Variants in ZHX2 observed in about 807,000 individuals in gnomAD.
ZHX2 encodes the protein zinc fingers and homeoboxes 2.
In ZHX2, 6 loss-of-function variants were observed where a neutral mutation model predicts 21.9. The observed-to-expected ratio is 0.27, with a 90% confidence interval of 0.15 to 0.54. The LOEUF is 0.54. ZHX2 is among the 20% of genes least tolerant of loss of function. ZHX2 has a pLI of 0.95. For missense variants in ZHX2, 908 were observed against 1,090.7 expected, an observed-to-expected ratio of 0.83 and a Z score of 2.36; for synonymous variants, 434 against 437.1, an observed-to-expected ratio of 0.99 and a Z score of 0.09.
chr8:122,848,209 C>T (rs1222886432), intron 1 of ZHX2, among the ~76,000 whole-genome samples: 1 of 152,068 alleles, frequency 6.6e-6, no homozygotes, highest in Admixed American at 6.5e-5. Flanking sequence ...TGTGTTGTTG[C>T]GTCTCTGTGT....
At position 122,828,342 on chromosome 8, in the gene ZHX2, G is replaced by A. The variant is rs553017628; in HGVS notation, c.-282-35135G>A. Reference sequence around the variant, plus strand: ...CTGTACAGTGCATGTGCGTGTGTGTGTTAGTGATATGGAGGAAGAGGATCT... The same window carrying A: ...CTGTACAGTGCATGTGCGTGTGTGTATTAGTGATATGGAGGAAGAGGATCT... On this transcript the variant is annotated intron_variant, in intron 1 of 3. Transcript: ENST00000314393. The surrounding 1 kb of genome is among the most constrained non-coding windows in gnomAD (Gnocchi z 5.2). Among the ~76,000 whole-genome samples, 1 of 152,332 alleles carries A rather than the reference G, an allele frequency of 6.6e-6. No individual in the cohort carries two copies. The highest frequency in any genetic ancestry group is 2.4e-5 in the African/African-American group (1 of 41,572).
intron 1 of ZHX2, among the ~76,000 whole-genome samples, chr8:122,798,785 G>A (rs1189164161): frequency 2.7e-5 from 4 of 150,644 alleles, no homozygotes; most frequent in East Asian, 1.9e-4. Context: ...GGGACAGAGC[G>A]AGAGCGAGAC....
At chr8:122,941,697 C>G (rs1256614426) in intron 2 of ZHX2, among the ~76,000 whole-genome samples, 2 of 151,788 alleles carry the variant, frequency 1.3e-5, no homozygotes, top group Non-Finnish European at 2.9e-5. Flanking sequence ...GTGAACATCT[C>G]TGTGTCTTCA....
chr8:122,788,006 C>A (rs988103113), intron 1 of ZHX2, among the ~76,000 whole-genome samples: 1 of 152,132 alleles, frequency 6.6e-6, no homozygotes, highest in Non-Finnish European at 1.5e-5. Flanking sequence ...GCCATCTCAT[C>A]CCCCACAGCC....
At chr8:122,966,295 G>A (rs764742766) in intron 3 of ZHX2, among the ~76,000 whole-genome samples, 2 of 152,064 alleles carry the variant, frequency 1.3e-5, no homozygotes, top group Non-Finnish European at 2.9e-5. Context: ...GTATTTTGGG[G>A]TTTTGTTTTA....
chr8:122,790,907 C>T (rs1817505450), intron 1 of ZHX2, among the ~76,000 whole-genome samples: 1 of 152,202 alleles, frequency 6.6e-6, no homozygotes, highest in African/African-American at 2.4e-5. Context: ...CATGCCTATC[C>T]CGATGTTGTG....
chr8:122,799,746 C>T (rs1321566735), intron 1 of ZHX2, among the ~76,000 whole-genome samples: 1 of 152,230 alleles, frequency 6.6e-6, no homozygotes, highest in Admixed American at 6.5e-5. Flanking sequence ...CAGGAAGCAT[C>T]CTTTTTCCCC....
chr8:122,954,012 T>C lies in ZHX2; in HGVS notation c.2502T>C (p.Ala834=). The C allele has an allele frequency of 6.2e-7, 1 of 1,600,334 alleles. No individual in the cohort carries two copies. The highest frequency in any genetic ancestry group is 8.5e-7 in the Non-Finnish European group (1 of 1,172,134). ...ESDSDCVPAE[A]GQA is the part of the protein sequence containing the mutation. Reference sequence around the variant, plus strand: ...ACTCCGACTGCGTCCCTGCAGAGGCTGGCCAGGCCTAGACAGGTAATTCCA... The same window carrying C: ...ACTCCGACTGCGTCCCTGCAGAGGCCGGCCAGGCCTAGACAGGTAATTCCA... Residue 834 remains alanine (A), a synonymous_variant, in exon 3 of 4, where the codon GCT becomes GCC. Transcript: ENST00000314393.
chr8:122,952,628 A>G lies in ZHX2; in HGVS notation c.1118A>G (p.Gln373Arg), dbSNP rs1372292543. The change falls in exon 3 of 4, where the codon CAG becomes CGG. Residue 373 changes from glutamine (Q) to arginine (R), a missense_variant. Around this residue, in one of 4 missense-constraint regions of ZHX2, gnomAD observed 232 missense variants for 361.8 expected, o/e 0.64. Transcript: ENST00000314393. This position sits in a 1 kb window ranked among gnomAD's most constrained non-coding sequence, Gnocchi z 6.9. ...QTALPCQILG[Q>R]TSLVLTQVTS... The stretch of plus-strand genomic sequence containing the variant: ...GCTCTACCGTGCCAGATCCTCGGCC[A>G]GACTAGCCTGGTGCTGACTCAGGTG... 6.2e-7 allele frequency: 1 copy of G among 1,614,050 alleles called. No homozygotes were observed. Among genetic ancestry groups the G allele is most frequent in the Non-Finnish European group, 8.5e-7 (1 of 1,180,052 alleles).
chr8:122,925,075 A>G (rs1820819865), intron 2 of ZHX2, among the ~76,000 whole-genome samples: 2 of 152,232 alleles, frequency 1.3e-5, no homozygotes, highest in African/African-American at 4.8e-5. Context: ...AAAGCTTACT[A>G]GTTGGCTATA....
At chr8:122,877,664 A>G (rs4871319) in intron 2 of ZHX2, among the ~76,000 whole-genome samples, 43,860 of 152,050 alleles carry the variant, frequency 0.29, 6,621 homozygotes, top group African/African-American at 0.37. Context: ...GGAACACGGG[A>G]ACCTCGCTGG....
At chr8:122,822,809 C>T (rs1194774445) in intron 1 of ZHX2, among the ~76,000 whole-genome samples, 4 of 152,222 alleles carry the variant, frequency 2.6e-5, no homozygotes, top group African/African-American at 7.2e-5. Flanking sequence ...CCGGTGGGCG[C>T]GGAGCCCGGC....
intron 1 of ZHX2, among the ~76,000 whole-genome samples, chr8:122,802,906 GGCTGTC>G (rs1186247583): frequency 6.6e-6 from 1 of 152,102 alleles, no homozygotes; most frequent in South Asian, 2.1e-4. Context: ...GAGGCTGACA[GGCTGTC>G]ACCCGAGAAT....
rs7758 is a variant in ZHX2, at chr8:122,974,382, G to C, written c.*1145G>C. The C allele has an allele frequency of 0.72, 109,616 of 151,872 alleles. 40,440 individuals carry two copies. The highest frequency in any genetic ancestry group is 0.88 in the African/African-American group (36,447 of 41,272). The allele number at this position is 151,872 out of a possible 1,614,324, so 9.4% of individuals were successfully genotyped here. A position where few individuals can be genotyped will look rare whatever the true frequency, so the allele number is the denominator to read the frequency against. On this transcript the variant is annotated 3_prime_UTR_variant, in exon 4 of 4. Transcript: ENST00000314393. ...TGAACTCTGGTTGCAATCCCTCCCC[G>C]TCCCACACTGCCCCCCATTTGAGTA...
intron 1 of ZHX2, among the ~76,000 whole-genome samples, chr8:122,839,911 G>A (rs1049933237): frequency 6.6e-6 from 1 of 152,184 alleles, no homozygotes; most frequent in African/African-American, 2.4e-5. Flanking sequence ...TCTATTCTGA[G>A]CTAGATCTGT....
intron 2 of ZHX2, among the ~76,000 whole-genome samples, chr8:122,944,764 G>A (rs1366933453): frequency 6.6e-6 from 1 of 152,202 alleles, no homozygotes; most frequent in Non-Finnish European, 1.5e-5. Flanking sequence ...CTAGATGGCA[G>A]TGCCCTGCCC....
At chr8:122,845,918 C>T (rs556029621) in intron 1 of ZHX2, among the ~76,000 whole-genome samples, 29 of 152,288 alleles carry the variant, frequency 1.9e-4, no homozygotes, top group Admixed American at 1.8e-3. Context: ...CAGTGGAAAG[C>T]CTTCAAAAGT....
At position 122,943,363 on chromosome 8, in the gene ZHX2, G is replaced by A. The variant is rs529314055; in HGVS notation, c.-219-7929G>A. Reference sequence around the variant, plus strand: ...TTTAACACAATCCCTAGGTCTACACGTAAAGTTCGTATCCCAGTTTTACTG... The same window carrying A: ...TTTAACACAATCCCTAGGTCTACACATAAAGTTCGTATCCCAGTTTTACTG... On this transcript the variant is annotated intron_variant, in intron 2 of 3. Coordinates refer to ENST00000314393, the MANE Select transcript of ZHX2 (RefSeq NM_014943.5). Among the ~76,000 whole-genome samples the A allele has an allele frequency of 3.3e-5, 5 of 152,322 alleles. No individual in the cohort carries two copies. In the South Asian group the frequency reaches 8.3e-4, roughly 25 times the overall value.
At chr8:122,927,204 T>A (rs1820879728) in intron 2 of ZHX2, among the ~76,000 whole-genome samples, 1 of 152,140 alleles carries the variant, frequency 6.6e-6, no homozygotes, top group African/African-American at 2.4e-5. Context: ...CTAATAAAGA[T>A]ATACCCCAGG....
Sources: gnomAD v4.1 joint callset for allele counts (sites outside exome capture counted in the v4.1 genomes callset) on GRCh38, gnomAD v4.1.1 for gene constraint, gnomAD v4.1.1 regional missense constraint, Gnocchi (gnomAD v3.1) non-coding constraint, MANE v1.5 for transcripts, NCBI Gene and HGNC (gene_info 2026-07-23, HGNC 2026-07-21) for gene names.